The following ABCG5 variants were observed in gnomAD, a reference collection of about 807,000 sequenced individuals.
ABCG5 encodes the protein ATP-binding cassette sub-family G member 5.
A neutral mutation model predicts 64.5 loss-of-function variants in ABCG5; 64 were observed. The observed-to-expected ratio is 0.99, with a 90% CI of 0.81 to 1.22. The LOEUF (loss-of-function observed/expected upper bound fraction) is 1.22. Among genes scored for constraint, ABCG5 ranks in the 50% most tolerant of loss-of-function variants. The pLI, the probability that ABCG5 is intolerant of heterozygous loss-of-function variation, is 0.00. For synonymous variants in ABCG5, 385 were observed against 326.3 expected (o/e 1.18, Z -1.94); for missense variants, 908 against 829.5 (o/e 1.09, Z -1.16).
chr2:43,818,104 T>C (rs1232095505), intron 11 of ABCG5, among the ~76,000 whole-genome samples: 1 of 152,152 alleles, frequency 6.6e-6, no homozygotes, highest in Non-Finnish European at 1.5e-5. Context: ...TTAATGTAAT[T>C]TATTGAATCC....
At chr2:43,827,916 CA>C in intron 5 of ABCG5, 66 bp downstream of exon 5, 1 of 1,605,160 alleles carries the variant, frequency 6.2e-7, no homozygotes, top group Admixed American at 1.7e-5. Flanking sequence ...AGAAAGGGCC[CA>C]AAGTATCTGC....
intron 9 of ABCG5, among the ~76,000 whole-genome samples, chr2:43,823,426 T>C (rs559955231): frequency 6.6e-6 from 1 of 152,214 alleles, no homozygotes; most frequent in African/African-American, 2.4e-5. Context: ...TCTTATTCCC[T>C]AACAGTGTTG....
At chr2:43,822,768 G>C (rs574187615) in intron 10 of ABCG5, 29 bp downstream of exon 10, 29 of 1,613,972 alleles carry the variant, frequency 1.8e-5, no homozygotes, top group Non-Finnish European at 2.5e-5. Context: ...ATGGGAGCCC[G>C]GCCCTGGGTG....
chr2:43,824,139 T>C, intron 8 of ABCG5, 21 bp from the exon 9 acceptor site: 1 of 1,614,208 alleles, frequency 6.2e-7, no homozygotes, highest in Non-Finnish European at 8.5e-7. Flanking sequence ...ACAACCCTGT[T>C]TTAATTCCTT....
intron 2 of ABCG5, among the ~76,000 whole-genome samples, chr2:43,836,863 C>G (rs1027911308): frequency 6.6e-6 from 1 of 151,918 alleles, no homozygotes; most frequent in East Asian, 1.9e-4. Context: ...AACGCTGTCT[C>G]TACAAAAAAA....
intron 11 of ABCG5, 114 bp downstream of exon 11, chr2:43,819,801 G>A (rs980501434): frequency 6.2e-6 from 7 of 1,125,552 alleles, no homozygotes; most frequent in Admixed American, 1.8e-5. Context: ...TAGACTATAA[G>A]GTAATATCCA....
downstream of ABCG5, chr2:43,812,432 C>A (rs934692404): frequency 1.3e-5 from 2 of 149,544 alleles, no homozygotes; most frequent in Non-Finnish European, 3.0e-5. Flanking sequence ...GCAAACGAAT[C>A]TTTAAAAACA....
In ABCG5 at chr2:43,823,013, G is replaced by A. The variant is rs1187504711; in HGVS notation, c.1325-78C>T. 30 of 1,578,158 alleles carry A rather than the reference G, an allele frequency of 1.9e-5. No homozygotes were observed. The East Asian group carries it at 7.1e-4, about 37-fold the overall frequency. ...GGGAGGGCTAGCCCAAGCTGAATGT[G>A]AGGTCTGTCAGGGCTGGATGGTGAG... On this transcript the variant is annotated intron_variant, in intron 9 of 12. Transcript: ENST00000405322.
At chr2:43,810,895 T>C (rs1158714805), downstream of ABCG5, among the ~76,000 whole-genome samples, 4 of 152,220 alleles carry the variant, frequency 2.6e-5, no homozygotes, top group African/African-American at 4.8e-5. Context: ...GTAATAGGAA[T>C]TGTTATTATG....
intron 4 of ABCG5, chr2:43,828,339 T>A (rs1204182186): frequency 3.2e-6 from 2 of 620,000 alleles, no homozygotes; most frequent in South Asian, 3.8e-5. Flanking sequence ...ATGAATTTTT[T>A]AAAACGTCCC....
intron 6 of ABCG5, among the ~76,000 whole-genome samples, 177 bp from the exon 7 acceptor site, chr2:43,825,195 G>C (rs769810440): frequency 3.3e-5 from 5 of 152,176 alleles, no homozygotes; most frequent in Non-Finnish European, 5.9e-5. Context: ...CCCTGCATCA[G>C]TATTCTTGGA....
chr2:43,835,119 G>GT (rs1262087049), intron 2 of ABCG5, among the ~76,000 whole-genome samples: 1 of 152,136 alleles, frequency 6.6e-6, no homozygotes, highest in Non-Finnish European at 1.5e-5. Context: ...ATTCATTTCA[G>GT]TATAAAGTGT....
At chr2:43,809,826 T>C (rs1666418782), downstream of ABCG5, 8 of 1,545,388 alleles carry the variant, frequency 5.2e-6, no homozygotes, top group Non-Finnish European at 6.1e-6. Flanking sequence ...AAGATTATAC[T>C]GTGAATTAAC....
rs762642715 is a variant in ABCG5, at chr2:43,826,424, A to G, written c.732T>C (p.Ile244=). The change falls in exon 6 of 13, where the codon ATT becomes ATC. Residue 244 remains isoleucine (I), a synonymous_variant. Transcript: ENST00000405322. ...LLVELARRNR[I]VVLTIHQPRS... ...GGGGCTGGTGAATGGTGAGAACCAC[A>G]ATTCGGTTCCTGCGAGCCAGTTCCA... The G allele has an allele frequency of 6.2e-7, 1 of 1,614,084 alleles. No individual in the cohort carries two copies. Among genetic ancestry groups the G allele is most frequent in the East Asian group, 2.2e-5 (1 of 44,862 alleles).
At chr2:43,834,567 C>A (rs113996298) in intron 2 of ABCG5, among the ~76,000 whole-genome samples, 1 of 152,244 alleles carries the variant, frequency 6.6e-6, no homozygotes, top group Non-Finnish European at 1.5e-5. Flanking sequence ...TTTGTTAACT[C>A]ATTAATGAGG....
chr2:43,814,674 T>C lies in ABCG5; in HGVS notation c.1650-85A>G. On this transcript the variant is annotated intron_variant, in intron 11 of 12. Coordinates refer to ENST00000405322, the MANE Select transcript of ABCG5 (RefSeq NM_022436.3). Reference sequence around the variant, plus strand: ...GAAAAGAAAGGCAATCCTTATATTTTCCAACAGGAATATAGTTTTCTATCT... The same window carrying C: ...GAAAAGAAAGGCAATCCTTATATTTCCCAACAGGAATATAGTTTTCTATCT... 6 of 799,348 alleles carry C rather than the reference T, an allele frequency of 7.5e-6. No individual in the cohort carries two copies. In the South Asian group the frequency reaches 7.9e-5, roughly 11 times the overall value. 49.5% of individuals were successfully genotyped at this position (799,348 alleles called of 1,614,324 possible).
chr2:43,834,426 A>G (rs965670443), intron 2 of ABCG5, among the ~76,000 whole-genome samples: 2 of 152,224 alleles, frequency 1.3e-5, no homozygotes, highest in African/African-American at 4.8e-5. Context: ...TACCCAACCA[A>G]GTCACTTCCA....
intron 9 of ABCG5, 27 bp from the exon 10 acceptor site, chr2:43,822,962 C>T (rs1349802306): frequency 6.2e-7 from 1 of 1,612,382 alleles, no homozygotes; most frequent in African/African-American, 1.3e-5. Flanking sequence ...GGTTTCAGAA[C>T]AGTCAGTCAC....
chr2:43,810,138 T>G (rs1460245787), downstream of ABCG5: 2 of 358,396 alleles, frequency 5.6e-6, no homozygotes, highest in African/African-American at 4.4e-5. Context: ...TTAGACACAT[T>G]CTTTCTAAAA....
Sources: gnomAD v4.1 joint callset for allele counts (sites outside exome capture counted in the v4.1 genomes callset) on GRCh38, gnomAD v4.1.1 for gene constraint, MANE v1.5 for transcripts, NCBI Gene and HGNC (gene_info 2026-07-23, HGNC 2026-07-21) for gene names.